FER: variants seen among roughly 807,000 people sequenced by gnomAD.
The protein encoded by FER is FER tyrosine kinase.
A neutral mutation model predicts 111.0 loss-of-function variants in FER; 63 were observed. The ratio of observed to expected loss-of-function variants is 0.57; its 90% confidence interval spans 0.46 to 0.70. The LOEUF (loss-of-function observed/expected upper bound fraction) is 0.70. FER is among the 30% of genes least tolerant of loss of function. The pLI, the probability that FER is intolerant of heterozygous loss-of-function variation, is 0.00. For synonymous variants in FER, 327 were observed against 313.9 expected (o/e 1.04, Z -0.44); for missense variants, 914 against 954.0 (o/e 0.96, Z 0.55).
chr5:109,124,681 G>A (rs540082618), intron 17 of FER, among the ~76,000 whole-genome samples: 1 of 151,892 alleles, frequency 6.6e-6, no homozygotes, highest in South Asian at 2.1e-4. Context: ...TGTGACTCTG[G>A]GCCAGTTATT....
At chr5:108,804,052 T>C (rs540578259) in intron 3 of FER, among the ~76,000 whole-genome samples, 2 of 152,336 alleles carry the variant, frequency 1.3e-5, no homozygotes, top group African/African-American at 4.8e-5. Context: ...TTTATTTTCT[T>C]GGTTAAATGT....
intron 13 of FER, among the ~76,000 whole-genome samples, chr5:108,993,427 C>G (rs1763533845): frequency 6.6e-6 from 1 of 152,116 alleles, no homozygotes; most frequent in Non-Finnish European, 1.5e-5. Context: ...CAATCGCAGG[C>G]ACTCGCCAGG....
chr5:109,116,808 A>G (rs941678253), intron 17 of FER, among the ~76,000 whole-genome samples: 1 of 152,168 alleles, frequency 6.6e-6, no homozygotes, highest in Non-Finnish European at 1.5e-5. Context: ...TTTAAACATA[A>G]TGTCATTTTC....
At position 109,028,751 on chromosome 5, in the gene FER, A is replaced by G. The variant is rs539411171; in HGVS notation, c.1657-8671A>G. 6.9e-4 allele frequency among the ~76,000 whole-genome samples: 105 copies of G among 152,346 alleles called. 1 individual carries two copies. The South Asian group carries it at 0.016, about 23-fold the overall frequency. On this transcript the variant is annotated intron_variant, in intron 13 of 19. Transcript: ENST00000281092. The stretch of plus-strand genomic sequence containing the variant: ...TGTAGGAACAGCAAAAGCTAGGTCA[A>G]AAGAGGCTTTCTTGCCCTATTTATA...
At chr5:109,168,410 C>G (rs1286634140) in intron 17 of FER, among the ~76,000 whole-genome samples, 1 of 152,040 alleles carries the variant, frequency 6.6e-6, no homozygotes, top group African/African-American at 2.4e-5. Context: ...TCTCCATCCC[C>G]CAATCTCTGG....
intron 13 of FER, among the ~76,000 whole-genome samples, chr5:109,016,298 A>G (rs1220948937): frequency 6.6e-6 from 1 of 152,028 alleles, no homozygotes; most frequent in Non-Finnish European, 1.5e-5. Flanking sequence ...AAGCTTGAAG[A>G]TGACAAGGCC....
At chr5:109,132,388 T>C (rs1752447279) in intron 17 of FER, among the ~76,000 whole-genome samples, 1 of 152,168 alleles carries the variant, frequency 6.6e-6, no homozygotes, top group Non-Finnish European at 1.5e-5. Flanking sequence ...CAGGAGCTAT[T>C]CTAGGAACTT....
At chr5:108,757,634 T>C (rs907298013) in intron 1 of FER, among the ~76,000 whole-genome samples, 1 of 152,354 alleles carries the variant, frequency 6.6e-6, no homozygotes. Context: ...GACAGACTTC[T>C]TGAAAATGTC....
intron 10 of FER, among the ~76,000 whole-genome samples, chr5:108,916,724 A>G (rs1752319243): frequency 6.6e-6 from 1 of 152,156 alleles, no homozygotes; most frequent in African/African-American, 2.4e-5. Flanking sequence ...TGTTATTATA[A>G]AAGAAAATTG....
chr5:109,158,972 T>C (rs1755703502), intron 17 of FER, among the ~76,000 whole-genome samples: 1 of 152,130 alleles, frequency 6.6e-6, no homozygotes, highest in South Asian at 2.1e-4. Context: ...TTAAAAAGAA[T>C]TTTATGGGAT....
At chr5:108,754,428 A>T (rs115974727) in intron 1 of FER, among the ~76,000 whole-genome samples, 10,085 of 151,214 alleles carry the variant, frequency 0.067, 435 homozygotes, top group South Asian at 0.086. Context: ...AAAAAAAAAA[A>T]AATAGTGTGT....
chr5:108,750,842 C>CAGTAA (rs1750411688), intron 1 of FER, among the ~76,000 whole-genome samples: 1 of 152,138 alleles, frequency 6.6e-6, no homozygotes, highest in Non-Finnish European at 1.5e-5. Flanking sequence ...ATTTCAAGAC[C>CAGTAA]ACTGTTACAC....
intron 13 of FER, among the ~76,000 whole-genome samples, chr5:109,007,063 G>A (rs62377125): frequency 1.3e-5 from 2 of 151,898 alleles, no homozygotes; most frequent in African/African-American, 4.8e-5. Flanking sequence ...GAAAATTGAG[G>A]CATTATTTTT....
intron 16 of FER, among the ~76,000 whole-genome samples, chr5:109,052,872 T>C (rs1773037655): frequency 2.0e-5 from 3 of 152,202 alleles, no homozygotes; most frequent in Admixed American, 1.3e-4. Context: ...GTTTGCAGTG[T>C]GGAATCTCAA....
chr5:108,855,879 C>T (rs1296100399), intron 5 of FER, among the ~76,000 whole-genome samples: 1 of 150,388 alleles, frequency 6.6e-6, no homozygotes, highest in African/African-American at 2.4e-5. Flanking sequence ...TAACTAGTAT[C>T]AGTTTTGCGG....
intron 2 of FER, among the ~76,000 whole-genome samples, chr5:108,790,933 G>A (rs959998949): frequency 6.6e-6 from 1 of 152,100 alleles, no homozygotes; most frequent in Non-Finnish European, 1.5e-5. Flanking sequence ...CTTTGACCTA[G>A]TAAAACATTT....
At chr5:108,750,531 T>A (rs1226169547) in intron 1 of FER, among the ~76,000 whole-genome samples, 1 of 152,214 alleles carries the variant, frequency 6.6e-6, no homozygotes, top group South Asian at 2.1e-4. Context: ...TTAGTGAAGA[T>A]CTGTTTCTCT....
intron 8 of FER, among the ~76,000 whole-genome samples, chr5:108,874,703 C>T (rs115262203): frequency 0.023 from 3,505 of 150,618 alleles, 135 homozygotes; most frequent in African/African-American, 0.081. Flanking sequence ...GTCGTAGATT[C>T]GTGTTGTAAT....
At chr5:108,999,145 AGT>A (rs1764386936) in intron 13 of FER, among the ~76,000 whole-genome samples, 3 of 152,034 alleles carry the variant, frequency 2.0e-5, no homozygotes, top group Non-Finnish European at 4.4e-5. Flanking sequence ...TGTTTTTTCC[AGT>A]TAGTGTTATC....
Sources: allele counts gnomAD v4.1 joint callset (sites outside exome capture counted in the v4.1 genomes callset), GRCh38; gene constraint gnomAD v4.1.1; transcripts MANE v1.5; gene names NCBI Gene and HGNC (gene_info 2026-07-23, HGNC 2026-07-21).